The following PRKN variants were observed in gnomAD, a reference collection of about 807,000 sequenced individuals.
PRKN encodes the protein E3 ubiquitin-protein ligase parkin.
PRKN carries 56 observed loss-of-function variants against 59.5 expected under a neutral mutation model. The ratio of observed to expected loss-of-function variants is 0.94; its 90% CI spans 0.76 to 1.18. The LOEUF is 1.18. PRKN is among the 50% of genes most tolerant of loss of function. The probability of loss-of-function intolerance (pLI) is 0.00; values close to 1 mark genes in which losing one functional copy is unlikely to be tolerated. For synonymous variants in PRKN, 250 were observed against 222.1 expected (o/e 1.13, Z -1.12); for missense variants, 657 against 596.4 (o/e 1.10, Z -1.06).
chr6:162,309,832 T>C (rs1470475195), intron 2 of PRKN, among the ~76,000 whole-genome samples: 1 of 152,138 alleles, frequency 6.6e-6, no homozygotes, highest in Non-Finnish European at 1.5e-5. Flanking sequence ...AAGTATCTAT[T>C]AGTTATTTTT....
rs529107712 is a variant in PRKN, at chr6:162,604,495, A to G, written c.7+123167T>C. ...AGCCAGCCAAATTATCATCTACCAT[A>G]TATGTTCCCACATGTAATAAGAAAC... On this transcript the variant is annotated intron_variant, in intron 1 of 11. Transcript: ENST00000366898. 7.2e-5 allele frequency among the ~76,000 whole-genome samples: 11 copies of G among 152,248 alleles called. No individual in the cohort carries two copies. The South Asian group carries it at 1.0e-3, about 14-fold the overall frequency.
At chr6:162,316,068 T>TA (rs1249283683) in intron 2 of PRKN, among the ~76,000 whole-genome samples, 1 of 152,070 alleles carries the variant, frequency 6.6e-6, no homozygotes, top group Non-Finnish European at 1.5e-5. Flanking sequence ...GGTCAGGTTC[T>TA]ATGATGTCCT....
chr6:161,415,133 T>C (rs1787777021), intron 9 of PRKN, among the ~76,000 whole-genome samples: 1 of 152,140 alleles, frequency 6.6e-6, no homozygotes, highest in African/African-American at 2.4e-5. Context: ...CTCAACAGAA[T>C]ACAGAATAAC....
At chr6:161,627,159 G>A (rs557243804) in intron 7 of PRKN, among the ~76,000 whole-genome samples, 19 of 152,248 alleles carry the variant, frequency 1.2e-4, no homozygotes, top group South Asian at 4.1e-4. Flanking sequence ...GTACAGCATC[G>A]GAGAAAAGCC....
intron 6 of PRKN, among the ~76,000 whole-genome samples, chr6:161,820,463 TAA>T (rs1035380544): frequency 4.0e-5 from 6 of 148,858 alleles, no homozygotes; most frequent in African/African-American, 1.5e-4. Flanking sequence ...TTTATAATGT[TAA>T]AGTTTATATG....
intron 6 of PRKN, among the ~76,000 whole-genome samples, chr6:161,866,614 A>G (rs1186412780): frequency 6.6e-6 from 1 of 152,142 alleles, no homozygotes; most frequent in Non-Finnish European, 1.5e-5. Context: ...CCAAAATGTA[A>G]CAGAGACACA....
chr6:161,988,523 A>C (rs1257058371), intron 5 of PRKN, among the ~76,000 whole-genome samples: 1 of 151,908 alleles, frequency 6.6e-6, no homozygotes, highest in Non-Finnish European at 1.5e-5. Flanking sequence ...TAAATAAATA[A>C]AAAGAAAAAT....
At chr6:161,756,420 T>C (rs1031581188) in intron 7 of PRKN, among the ~76,000 whole-genome samples, 1 of 106,422 alleles carries the variant, frequency 9.4e-6, no homozygotes, top group South Asian at 3.4e-4. Context: ...CCAGCCAGGG[T>C]GACAGAGTGA....
intron 7 of PRKN, among the ~76,000 whole-genome samples, chr6:161,704,988 G>T (rs1047165002): frequency 2.0e-5 from 3 of 152,222 alleles, no homozygotes; most frequent in Non-Finnish European, 4.4e-5. Flanking sequence ...TTGGGGTTGA[G>T]AATAGGCACT....
chr6:162,183,588 T>C (rs1783892804), intron 4 of PRKN, among the ~76,000 whole-genome samples: 2 of 152,222 alleles, frequency 1.3e-5, no homozygotes, highest in South Asian at 2.1e-4. Flanking sequence ...CAAAATTATA[T>C]GCCAAAGTAT....
intron 7 of PRKN, among the ~76,000 whole-genome samples, chr6:161,632,962 G>C (rs1783372500): frequency 6.6e-6 from 1 of 152,110 alleles, no homozygotes; most frequent in Non-Finnish European, 1.5e-5. Context: ...ATTTGGGTGG[G>C]GACACAGTCA....
rs117767877 is a variant in PRKN at position 162,005,362 on chromosome 6, T to C, written c.619-31945A>G. Among the ~76,000 whole-genome samples, 705 of 152,288 alleles carry C rather than the reference T, an allele frequency of 4.6e-3. 4 individuals carry two copies. The highest frequency in any genetic ancestry group is 7.6e-3 in the Non-Finnish European group (520 of 68,020). On this transcript the variant is annotated intron_variant, in intron 5 of 11. Coordinates refer to ENST00000366898, the MANE Select transcript of PRKN (RefSeq NM_004562.3). The stretch of plus-strand genomic sequence containing the variant: ...TGTCCAAAAATAAAAACAAAGACTG[T>C]TGACTCATAATATATGCTACATGGT...
At chr6:162,265,358 A>G (rs1160785633) in intron 2 of PRKN, among the ~76,000 whole-genome samples, 1 of 152,106 alleles carries the variant, frequency 6.6e-6, no homozygotes, top group Non-Finnish European at 1.5e-5. Flanking sequence ...ATGTGGTTGA[A>G]CCAGGGCCTT....
Position 161,395,216 on chromosome 6 carries a change from T to C in PRKN, c.1084-8339A>G, listed in dbSNP as rs909222806. On this transcript the variant is annotated intron_variant, in intron 9 of 11. Coordinates refer to ENST00000366898, the MANE Select transcript of PRKN (RefSeq NM_004562.3). The surrounding 1 kb of genome is among the most constrained non-coding windows in gnomAD (Gnocchi z 5.0). ...GCTATTTTTAAACAAAAATACCCTA[T>C]AAAACATTGTATAATGTGCTGTACT... Among the ~76,000 whole-genome samples the C allele has an allele frequency of 6.6e-6, 1 of 152,166 alleles. No individual in the cohort carries two copies. Among genetic ancestry groups the C allele is most frequent in the Non-Finnish European group, 1.5e-5 (1 of 68,034 alleles).
At chr6:162,598,860 A>AAC (rs2128216090) in intron 1 of PRKN, among the ~76,000 whole-genome samples, 1 of 151,872 alleles carries the variant, frequency 6.6e-6, no homozygotes, top group East Asian at 1.9e-4. Context: ...CACCAAAAAA[A>AAC]AAAAAAAAAA....
chr6:161,866,144 T>G (rs1430830017), intron 6 of PRKN, among the ~76,000 whole-genome samples: 1 of 152,134 alleles, frequency 6.6e-6, no homozygotes, highest in Non-Finnish European at 1.5e-5. Flanking sequence ...ACACACACAT[T>G]TATCAAGTAC....
Position 161,436,904 on chromosome 6 carries a change from C to T in PRKN, c.1084-50027G>A, listed in dbSNP as rs150802810. On this transcript the variant is annotated intron_variant, in intron 9 of 11. Transcript: ENST00000366898. ...CCGGTCACCCTCTGCAGCTCTGTCT[C>T]ACTACTGGGTACAGTGAAGAGGTTT... Among the ~76,000 whole-genome samples the T allele has an allele frequency of 4.0e-3, 605 of 152,136 alleles. 5 individuals carry two copies. The highest frequency in any genetic ancestry group is 0.014 in the African/African-American group (585 of 41,494).
chr6:162,448,798 TTC>T (rs71772665), intron 1 of PRKN, among the ~76,000 whole-genome samples: 13,370 of 150,794 alleles, frequency 0.089, 669 homozygotes, highest in South Asian at 0.14. Flanking sequence ...GGACCTTTCT[TTC>T]TCTTTCTCTT....
At chr6:161,706,638 G>A (rs565850611) in intron 7 of PRKN, among the ~76,000 whole-genome samples, 3 of 152,222 alleles carry the variant, frequency 2.0e-5, no homozygotes, top group South Asian at 4.1e-4. Flanking sequence ...GCTGGAGTGC[G>A]GTGGCGCAAT....
Sources: gnomAD v4.1 joint callset for allele counts (sites outside exome capture counted in the v4.1 genomes callset) on GRCh38, gnomAD v4.1.1 for gene constraint, Gnocchi (gnomAD v3.1) non-coding constraint, MANE v1.5 for transcripts, NCBI Gene and HGNC (gene_info 2026-07-23, HGNC 2026-07-21) for gene names.